The following CELF2 variants were observed in gnomAD, a reference collection of about 807,000 sequenced individuals.
CELF2 encodes the protein CUG triplet repeat RNA-binding protein 2.
A neutral mutation model predicts 62.6 loss-of-function variants in CELF2; 8 were observed. That is an observed-to-expected ratio of 0.13 (90% CI 0.07 to 0.23). CELF2 has a LOEUF of 0.23. CELF2 is among the 10% of genes least tolerant of loss of function. The probability of loss-of-function intolerance (pLI) is 1.00; values close to 1 mark genes in which losing one functional copy is unlikely to be tolerated. For missense variants in CELF2, 333 were observed against 671.0 expected (o/e 0.50, Z 5.56); for synonymous variants, 258 against 250.0 (o/e 1.03, Z -0.30).
chr10:10,787,673 A>G, the CELF2 span, among the ~76,000 whole-genome samples: 1 of 152,218 alleles, frequency 6.6e-6, no homozygotes, highest in African/African-American at 2.4e-5. Context: ...GTCCCTACGT[A>G]AAGTCAGGGC....
intron 2 of CELF2, among the ~76,000 whole-genome samples, chr10:11,195,181 C>T (rs1398771018): frequency 6.6e-6 from 1 of 152,220 alleles, no homozygotes; most frequent in South Asian, 2.1e-4. Flanking sequence ...CCTTCTGTTA[C>T]AACAGAGTAA....
intron 1 of CELF2, among the ~76,000 whole-genome samples, chr10:10,883,927 TCTC>T (rs879009593): frequency 4.0e-5 from 6 of 149,070 alleles, no homozygotes; most frequent in South Asian, 2.1e-4. Flanking sequence ...TCCTCCTCCT[TCTC>T]CTCCTCCTCA....
intron 1 of CELF2, among the ~76,000 whole-genome samples, chr10:10,862,535 G>C (rs1163986285): frequency 6.6e-6 from 1 of 152,212 alleles, no homozygotes; most frequent in Non-Finnish European, 1.5e-5. Flanking sequence ...AACAGAGTTA[G>C]GCAGAAGGTA....
chr10:10,506,701 G>A, the CELF2 span, among the ~76,000 whole-genome samples: 31 of 5,044 alleles, frequency 6.1e-3, 1 homozygote, highest in East Asian at 0.034. Flanking sequence ...TTTTTTTTGA[G>A]ATGGAGTCTC....
the CELF2 span, among the ~76,000 whole-genome samples, chr10:10,534,189 C>A: frequency 7.4e-6 from 1 of 135,610 alleles, no homozygotes; most frequent in Non-Finnish European, 1.5e-5. Context: ...AGACAGAAGC[C>A]AGATTCGAAG....
At chr10:10,611,414 G>A in the CELF2 span, among the ~76,000 whole-genome samples, 2 of 152,094 alleles carry the variant, frequency 1.3e-5, no homozygotes, top group Non-Finnish European at 2.9e-5. Context: ...TGCCACCCCA[G>A]ATAAATTTAC....
the CELF2 span, among the ~76,000 whole-genome samples, chr10:10,765,580 TCA>T: frequency 7.5e-4 from 114 of 152,260 alleles, 2 homozygotes; most frequent in Middle Eastern, 0.041. Flanking sequence ...AACCAATCAG[TCA>T]CAGAGTGCCC....
chr10:11,198,807 T>A (rs1468276478), intron 2 of CELF2, among the ~76,000 whole-genome samples: 9 of 152,230 alleles, frequency 5.9e-5, no homozygotes, highest in African/African-American at 2.2e-4. Flanking sequence ...TAGGGATAAT[T>A]ATTCTTGTTT....
At chr10:10,548,973 C>T in the CELF2 span, among the ~76,000 whole-genome samples, 2 of 152,148 alleles carry the variant, frequency 1.3e-5, no homozygotes, top group South Asian at 2.1e-4. Context: ...TGCAAAGGGC[C>T]GATCAGACAG....
the CELF2 span, among the ~76,000 whole-genome samples, chr10:10,597,943 G>C: frequency 1.3e-5 from 2 of 152,100 alleles, no homozygotes; most frequent in African/African-American, 2.4e-5. Context: ...TTTTCAATAA[G>C]ATGTAGGCAT....
At position 11,226,994 on chromosome 10, in the gene CELF2, C is replaced by T. The variant is rs187803062; in HGVS notation, c.354+9487C>T. On this transcript the variant is annotated intron_variant, in intron 3 of 12. Coordinates refer to ENST00000633077, the MANE Select transcript of CELF2 (RefSeq NM_001326342.2). Reference sequence around the variant, plus strand: ...CAATCTGCATTTTAATGCCCAGCTCCGTCCAACTGTCCTCGCCATTGCTCT... The same window carrying T: ...CAATCTGCATTTTAATGCCCAGCTCTGTCCAACTGTCCTCGCCATTGCTCT... 2.2e-3 allele frequency among the ~76,000 whole-genome samples: 330 copies of T among 152,302 alleles called. 3 individuals are homozygous for T. The highest frequency in any genetic ancestry group is 6.5e-3 in the African/African-American group (271 of 41,560).
chr10:11,314,379 G>A lies in CELF2; in HGVS notation c.1096+121G>A. On this transcript the variant is annotated intron_variant, in intron 10 of 12. Coordinates refer to ENST00000633077, the MANE Select transcript of CELF2 (RefSeq NM_001326342.2). The surrounding 1 kb of genome is among the most constrained non-coding windows in gnomAD (Gnocchi z 5.3). ...ATGCCACGGGGAGAACTAAAACTTG[G>A]GATGGAGGAGCACATGCTTTGATAG... 3.0e-6 allele frequency: 4 copies of A among 1,326,686 alleles called. No homozygotes were observed. The highest frequency in any genetic ancestry group is 4.3e-6 in the Non-Finnish European group (4 of 929,472). 82.2% of individuals were successfully genotyped at this position (1,326,686 alleles called of 1,614,324 possible). A position where few individuals can be genotyped will look rare whatever the true frequency, so the allele number is the denominator to read the frequency against.
chr10:10,704,871 G>A, the CELF2 span, among the ~76,000 whole-genome samples: 1 of 151,022 alleles, frequency 6.6e-6, no homozygotes, highest in African/African-American at 2.4e-5. Flanking sequence ...AGCCAAGCAG[G>A]AATGCAGGAG....
intron 2 of CELF2, among the ~76,000 whole-genome samples, chr10:10,952,834 A>C (rs2048473016): frequency 6.6e-6 from 1 of 152,214 alleles, no homozygotes; most frequent in South Asian, 2.1e-4. Context: ...TAGATAAATG[A>C]TGCCTGACTG....
In CELF2 at chr10:11,117,996, A is replaced by G. The variant is rs1262859587; in HGVS notation, c.75-47490A>G. 6.6e-6 allele frequency among the ~76,000 whole-genome samples: 1 copy of G among 152,152 alleles called. No individual in the cohort carries two copies. Among genetic ancestry groups the G allele is most frequent in the Non-Finnish European group, 1.5e-5 (1 of 68,004 alleles). On this transcript the variant is annotated intron_variant, in intron 1 of 12. Transcript: ENST00000633077. The surrounding 1 kb of genome is among the most constrained non-coding windows in gnomAD (Gnocchi z 4.1). The stretch of plus-strand genomic sequence containing the variant: ...GTGGAAATGTTCATTCTCTGCTTCT[A>G]TGTTTTTAAAAAACAAAAGGGTAAT...
intron 2 of CELF2, among the ~76,000 whole-genome samples, chr10:11,201,171 A>G (rs1319695711): frequency 6.6e-6 from 1 of 152,218 alleles, no homozygotes; most frequent in Non-Finnish European, 1.5e-5. Flanking sequence ...CTGAAGTGTG[A>G]GGCAGAGATA....
At chr10:11,194,888 C>T (rs1217730411) in intron 2 of CELF2, among the ~76,000 whole-genome samples, 1 of 152,152 alleles carries the variant, frequency 6.6e-6, no homozygotes, top group African/African-American at 2.4e-5. Context: ...ACAAAAATCC[C>T]GATGCGTCTT....
the CELF2 span, among the ~76,000 whole-genome samples, chr10:10,510,393 C>A: frequency 1.3e-5 from 2 of 152,194 alleles, no homozygotes; most frequent in African/African-American, 4.8e-5. Flanking sequence ...TTTGTGTGGT[C>A]CTGCCTAGTA....
At chr10:10,577,272 A>C in the CELF2 span, among the ~76,000 whole-genome samples, 5 of 152,202 alleles carry the variant, frequency 3.3e-5, no homozygotes, top group South Asian at 8.3e-4. Context: ...AAGGTTGATA[A>C]ATCACTTGAT....
Sources: allele counts gnomAD v4.1 joint callset (sites outside exome capture counted in the v4.1 genomes callset), GRCh38; gene constraint gnomAD v4.1.1; non-coding constraint Gnocchi (gnomAD v3.1); transcripts MANE v1.5; gene names NCBI Gene and HGNC (gene_info 2026-07-23, HGNC 2026-07-21).